PLEKHH1: variants seen among roughly 807,000 people sequenced by gnomAD.
PLEKHH1 encodes pleckstrin homology domain-containing family H member 1.
Under a neutral mutation model 160.0 loss-of-function variants are expected in PLEKHH1, and 104 were observed. The ratio of observed to expected loss-of-function variants is 0.65; its 90% confidence interval spans 0.55 to 0.76. The LOEUF (loss-of-function observed/expected upper bound fraction) is 0.76. PLEKHH1 is among the 30% of genes least tolerant of loss of function. The probability of loss-of-function intolerance (pLI) is 0.00; values close to 1 mark genes in which losing one functional copy is unlikely to be tolerated. For synonymous variants in PLEKHH1, 619 were observed against 678.4 expected, an observed-to-expected ratio of 0.91 and a Z score of 1.36; for missense variants, 1,427 against 1,724.1, an observed-to-expected ratio of 0.83 and a Z score of 3.05.
chr14:67,537,812 T>C (rs1225847510), intron 1 of PLEKHH1, among the ~76,000 whole-genome samples: 1 of 152,228 alleles, frequency 6.6e-6, no homozygotes, highest in African/African-American at 2.4e-5. Flanking sequence ...CTGTGCCACC[T>C]TCCCACCCAT....
At position 67,582,836 on chromosome 14, in the gene PLEKHH1, T is replaced by TCAAAA. The variant is rs1314939108; in HGVS notation, c.3426+641_3426+645dup. On this transcript the variant is annotated intron_variant, in intron 24 of 28. Coordinates refer to ENST00000329153, the MANE Select transcript of PLEKHH1 (RefSeq NM_020715.3). The surrounding 1 kb of genome is among the most constrained non-coding windows in gnomAD (Gnocchi z 5.0). ...TAGGCGACAACAGCAAAACTCTGTC[T>TCAAAA]CAAAACAAAACAAAACAAACAAACA... Among the ~76,000 whole-genome samples the TCAAAA allele has an allele frequency of 3.9e-5, 6 of 152,140 alleles. 1 individual carries two copies. In the South Asian group the frequency reaches 1.0e-3, roughly 26 times the overall value.
intron 26 of PLEKHH1, 171 bp from the exon 27 acceptor site, chr14:67,585,397 C>T (rs1030150218): frequency 3.4e-6 from 2 of 589,242 alleles, no homozygotes; most frequent in Non-Finnish European, 6.1e-6. Context: ...CACAAGCAGC[C>T]TTGTCTATTT....
In PLEKHH1 at chr14:67,578,683, A is replaced by G; in HGVS notation, c.2849+52A>G. ...CCACTTGAGCACTGCCAACTGCCGC[A>G]TGAATAAGAGGGATGAGAGGAGTCT... On this transcript the variant is annotated intron_variant, in intron 20 of 28. Transcript: ENST00000329153. The surrounding 1 kb of genome is among the most constrained non-coding windows in gnomAD (Gnocchi z 5.0). 8.6e-7 allele frequency: 1 copy of G among 1,158,534 alleles called. No homozygotes were observed. Among genetic ancestry groups the G allele is most frequent in the East Asian group, 2.5e-5 (1 of 39,414 alleles). 71.8% of individuals were successfully genotyped at this position (1,158,534 alleles called of 1,614,324 possible).
intron 11 of PLEKHH1, among the ~76,000 whole-genome samples, chr14:67,572,786 C>T (rs572587556): frequency 6.6e-6 from 1 of 152,322 alleles, no homozygotes; most frequent in South Asian, 2.1e-4. Flanking sequence ...TCGCCCCACA[C>T]CTCTCTGCTG....
At position 67,562,672 on chromosome 14, in the gene PLEKHH1, C is replaced by T. The variant is rs2034897474; in HGVS notation, c.1041C>T (p.Asn347=). The T allele has an allele frequency of 3.1e-6, 5 of 1,612,562 alleles. No individual in the cohort carries two copies. Among genetic ancestry groups the T allele is most frequent in the Middle Eastern group, 1.6e-4 (1 of 6,062 alleles). ...ATGGGCACTTTGGCCGTGTGGTGAA[C>T]ATTGAGACTGAGGCCTTCTCAGCCC... is the stretch of plus-strand genomic sequence containing the variant. ...VGHGHFGRVV[N]IETEAFSALH... is the part of the protein sequence containing the mutation. The change falls in exon 7 of 29, where the codon AAC becomes AAT. Residue 347 remains asparagine, a synonymous_variant. Transcript: ENST00000329153.
Position 67,575,402 on chromosome 14 carries a change from G to A in PLEKHH1, c.2099G>A (p.Gly700Asp). The A allele has an allele frequency of 6.2e-7, 1 of 1,604,394 alleles. No individual in the cohort carries two copies. Among genetic ancestry groups the A allele is most frequent in the Non-Finnish European group, 8.5e-7 (1 of 1,173,724 alleles). ...ATTTCTGTCTTACAGGTAAAGCATG[G>A]CCACTCCAAGGTGGTCTGGTGCGCT... ...VKGWLTKVKH[G>D]HSKVVWCALV... The change falls in exon 15 of 29, where the codon GGC becomes GAC. Residue 700 changes from glycine to aspartate, a missense_variant. Gly to Asp is a moderately conservative substitution (Grantham distance 94). This residue lies in a region of PLEKHH1 where 831 missense variants were observed against 929.2 expected (regional missense o/e 0.89). Coordinates refer to ENST00000329153, the MANE Select transcript of PLEKHH1 (RefSeq NM_020715.3).
chr14:67,560,065 C>T (rs1414941023), intron 5 of PLEKHH1, among the ~76,000 whole-genome samples: 2 of 152,160 alleles, frequency 1.3e-5, no homozygotes, highest in Non-Finnish European at 2.9e-5. Context: ...CTCGCTCTCT[C>T]GCCCAGGCTG....
chr14:67,539,329 G>A (rs1822443577), intron 1 of PLEKHH1, among the ~76,000 whole-genome samples: 1 of 152,202 alleles, frequency 6.6e-6, no homozygotes, highest in Non-Finnish European at 1.5e-5. Context: ...AGTCTTTTGA[G>A]ATGGGGATTG....
At position 67,587,528 on chromosome 14, in the gene PLEKHH1, C is replaced by T; in HGVS notation, c.*293C>T. The stretch of plus-strand genomic sequence containing the variant: ...CATAGACAGGGATGATCCACTGTTA[C>T]TGAGGGCATCAGTGCTATAAGTTAA... On this transcript the variant is annotated 3_prime_UTR_variant, in exon 29 of 29. Transcript: ENST00000329153. 1 of 431,088 alleles carries T rather than the reference C, an allele frequency of 2.3e-6. No individual in the cohort carries two copies. The highest frequency in any genetic ancestry group is 4.3e-6 in the Non-Finnish European group (1 of 232,414). 26.7% of individuals were successfully genotyped at this position (431,088 alleles called of 1,614,324 possible).
chr14:67,580,751 C>G, intron 22 of PLEKHH1, 187 bp from the exon 23 acceptor site: 1 of 570,126 alleles, frequency 1.8e-6, no homozygotes, highest in Non-Finnish European at 3.1e-6. Flanking sequence ...AGGGTTCCCT[C>G]TGTTTGTGAG....
In PLEKHH1 at chr14:67,569,188, G is replaced by A. The variant is rs761635766; in HGVS notation, c.1314G>A (p.Met438Ile). The A allele has an allele frequency of 2.5e-6, 4 of 1,612,996 alleles. No homozygotes were observed. Among genetic ancestry groups the A allele is most frequent in the Non-Finnish European group, 3.4e-6 (4 of 1,179,202 alleles). Residue 438 changes from methionine (M) to isoleucine (I), a missense_variant, in exon 8 of 29, where the codon ATG becomes ATA. By Grantham distance (10) the Met-to-Ile change is conservative (BLOSUM62 1). Around this residue, in one of 6 missense-constraint regions of PLEKHH1, gnomAD observed 831 missense variants for 929.2 expected, o/e 0.89. Coordinates refer to ENST00000329153, the MANE Select transcript of PLEKHH1 (RefSeq NM_020715.3). ...CATCGGGCATGCGGCTCTCAGATAT[G>A]TCTCCCAGAAGTAATACTGCATGCT... is the stretch of plus-strand genomic sequence containing the variant. ...VATSGMRLSD[M>I]SPRSNTACCA...
chr14:67,570,350 C>T, intron 9 of PLEKHH1: 1 of 979,628 alleles, frequency 1.0e-6, no homozygotes, highest in Non-Finnish European at 1.2e-6. Context: ...TATATTCCAA[C>T]TTATATTCCC....
rs983934869 is a variant in PLEKHH1 at position 67,562,704 on chromosome 14, C to T, written c.1073C>T (p.Pro358Leu). 6.2e-7 allele frequency: 1 copy of T among 1,612,882 alleles called. No individual in the cohort carries two copies. The highest frequency in any genetic ancestry group is 1.7e-5 in the Admixed American group (1 of 59,848). ...ACTGAGGCCTTCTCAGCCCTCCACC[C>T]CTCTGGCCTTCCTGAGCTGGAGTCC... ...IETEAFSALH[P>L]SGLPELESRA... Residue 358 changes from proline to leucine, a missense_variant, in exon 7 of 29, where the codon CCC becomes CTC. Physicochemically the swap from Pro to Leu is moderately conservative, Grantham distance 98 (BLOSUM62 -3). Transcript: ENST00000329153.
At chr14:67,585,801 A>G in intron 27 of PLEKHH1, 147 bp downstream of exon 27, 23 of 1,026,642 alleles carry the variant, frequency 2.2e-5, no homozygotes, top group Non-Finnish European at 3.2e-5. Flanking sequence ...TAGTCTAGAC[A>G]CTGCTTGTAG....
chr14:67,571,727 A>G (rs374954248), intron 9 of PLEKHH1, 25 bp from the exon 10 acceptor site: 3 of 1,604,694 alleles, frequency 1.9e-6, no homozygotes, highest in Non-Finnish European at 1.7e-6. Context: ...CCTGAGCTGC[A>G]GTGAGGGAGG....
intron 9 of PLEKHH1, chr14:67,570,287 C>T (rs962442747): frequency 2.1e-6 from 2 of 970,712 alleles, no homozygotes; most frequent in Non-Finnish European, 2.4e-6. Context: ...CTCATGTCTG[C>T]CTCACTCCTC....
intron 9 of PLEKHH1, chr14:67,571,374 C>T: frequency 5.1e-6 from 1 of 197,836 alleles, no homozygotes; most frequent in Non-Finnish European, 1.1e-5. Context: ...AAATGTTTGC[C>T]AATGGAGATG....
chr14:67,579,676 C>T (rs1260674752), intron 21 of PLEKHH1, 45 bp from the exon 22 acceptor site: 1 of 1,593,376 alleles, frequency 6.3e-7, no homozygotes, highest in African/African-American at 1.3e-5. Context: ...TAGTGAGCTC[C>T]TCTCAGGAGG....
Position 67,579,224 on chromosome 14 carries a change from G to A in PLEKHH1, c.2940G>A (p.Met980Ile), listed in dbSNP as rs1245882236. Reference protein sequence around the residue: ...TGEREARPSRMEVVSILLRNP... With the variant: ...TGEREARPSRIEVVSILLRNP... ...AGCGGGAAGCCAGGCCATCGCGCAT[G>A]GAAGTGGTGTCCATCCTGCTGCGTA... The change falls in exon 21 of 29, where the codon ATG (methionine) becomes ATA (isoleucine). Residue 980 changes from methionine to isoleucine, a missense_variant. Physicochemically the swap from Met to Ile is conservative, Grantham distance 10. This residue lies in a region of PLEKHH1 where 436 missense variants were observed against 607.5 expected (regional missense o/e 0.72). Transcript: ENST00000329153. The A allele has an allele frequency of 6.2e-7, 1 of 1,611,160 alleles. No homozygotes were observed.
Sources: gnomAD v4.1 joint callset for allele counts (sites outside exome capture counted in the v4.1 genomes callset) on GRCh38, gnomAD v4.1.1 for gene constraint, gnomAD v4.1.1 regional missense constraint, Gnocchi (gnomAD v3.1) non-coding constraint, MANE v1.5 for transcripts, NCBI Gene and HGNC (gene_info 2026-07-23, HGNC 2026-07-21) for gene names.